PSME4: variants seen among roughly 807,000 people sequenced by gnomAD.
The protein encoded by PSME4 is proteasome activator subunit 4, also known as proteasome activator complex subunit 4.
In PSME4, 89 loss-of-function variants were observed where a neutral mutation model predicts 253.9. The observed-to-expected ratio is 0.35, with a 90% confidence interval of 0.30 to 0.42. The LOEUF (loss-of-function observed/expected upper bound fraction) is 0.42, where lower values mean the gene tolerates loss of function less well. PSME4 is among the 10% of genes least tolerant of loss of function. The pLI is 1.00. For missense variants in PSME4, 2,014 were observed against 2,195.2 expected, an observed-to-expected ratio of 0.92 and a Z score of 1.65; for synonymous variants, 851 against 759.2, an observed-to-expected ratio of 1.12 and a Z score of -1.99.
At chr2:53,940,216 G>A (rs1669328510) in intron 3 of PSME4, among the ~76,000 whole-genome samples, 1 of 151,886 alleles carries the variant, frequency 6.6e-6, no homozygotes, top group Non-Finnish European at 1.5e-5. Context: ...GCTGTCTCTG[G>A]TATGAACTAA....
intron 3 of PSME4, among the ~76,000 whole-genome samples, chr2:53,940,940 AATATATATATACAT>A (rs1383173177): frequency 1.9e-5 from 1 of 51,314 alleles, no homozygotes; most frequent in Non-Finnish European, 3.5e-5. Context: ...TACATATATA[AATATATATATACAT>A]ATATATATAT....
intron 1 of PSME4, among the ~76,000 whole-genome samples, chr2:53,960,460 A>G (rs999044937): frequency 6.6e-6 from 1 of 151,904 alleles, no homozygotes; most frequent in Non-Finnish European, 1.5e-5. Context: ...TTAAGAATGC[A>G]TATTTCGGTG....
chr2:53,887,528 C>T (rs1174931189), intron 39 of PSME4, 61 bp from the exon 40 acceptor site: 24 of 1,434,932 alleles, frequency 1.7e-5, no homozygotes, highest in Non-Finnish European at 4.8e-6. Flanking sequence ...AAATGAGGTT[C>T]AAAAGTTATG....
intron 20 of PSME4, among the ~76,000 whole-genome samples, chr2:53,912,478 G>A (rs1038068492): frequency 3.9e-5 from 6 of 152,064 alleles, no homozygotes; most frequent in Admixed American, 2.0e-4. Context: ...TATTTTTCAA[G>A]ATAGGATCTC....
chr2:53,967,969 T>C lies in PSME4; in HGVS notation c.242+2574A>G, dbSNP rs530910692. Among the ~76,000 whole-genome samples, 33 of 152,048 alleles carry C rather than the reference T, an allele frequency of 2.2e-4. 1 individual carries two copies. Among genetic ancestry groups the C allele is most frequent in the Admixed American group, 1.9e-3 (29 of 15,258 alleles). On this transcript the variant is annotated intron_variant, in intron 1 of 46. Coordinates refer to ENST00000404125, the MANE Select transcript of PSME4 (RefSeq NM_014614.3). Reference sequence around the variant, plus strand: ...AAACTGCAGAATACCAGAGTAGAAATGCTTCTCAAGAATTTAGTCCAGGCC... The same window carrying C: ...AAACTGCAGAATACCAGAGTAGAAACGCTTCTCAAGAATTTAGTCCAGGCC...
intron 44 of PSME4, among the ~76,000 whole-genome samples, chr2:53,867,635 A>G (rs1160863617): frequency 6.8e-6 from 1 of 147,858 alleles, no homozygotes; most frequent in East Asian, 2.0e-4. Flanking sequence ...AAACCACTGC[A>G]CTCCAAGGAG....
At chr2:53,946,178 A>C (rs1669689643) in intron 3 of PSME4, among the ~76,000 whole-genome samples, 1 of 152,248 alleles carries the variant, frequency 6.6e-6, no homozygotes, top group Non-Finnish European at 1.5e-5. Flanking sequence ...CTTTAAAAGC[A>C]GCATGTGCCT....
intron 1 of PSME4, among the ~76,000 whole-genome samples, chr2:53,965,301 T>C (rs890580702): frequency 6.7e-6 from 1 of 149,874 alleles, no homozygotes; most frequent in Non-Finnish European, 1.5e-5. Flanking sequence ...TAGCCTGGAG[T>C]GCAGTGGCGC....
At chr2:53,937,301 T>A in intron 5 of PSME4, 90 bp downstream of exon 5, 1 of 1,234,736 alleles carries the variant, frequency 8.1e-7, no homozygotes. Context: ...ACTTGCAAAA[T>A]GATTTTTCTA....
At chr2:53,962,881 G>C (rs972262173) in intron 1 of PSME4, among the ~76,000 whole-genome samples, 2 of 151,980 alleles carry the variant, frequency 1.3e-5, no homozygotes, top group Non-Finnish European at 2.9e-5. Context: ...CATGGTGGCT[G>C]CACCTGTAGT....
intron 34 of PSME4, 128 bp from the exon 35 acceptor site, chr2:53,893,927 A>C (rs988864533): frequency 1.5e-6 from 2 of 1,353,014 alleles, no homozygotes; most frequent in African/African-American, 3.0e-5. Flanking sequence ...ATGAATTCTT[A>C]GTTCTCATAG....
intron 7 of PSME4, among the ~76,000 whole-genome samples, chr2:53,935,779 T>C (rs967957962): frequency 2.6e-5 from 4 of 152,202 alleles, no homozygotes; most frequent in African/African-American, 4.8e-5. Flanking sequence ...ATTATTTATA[T>C]ATGTTTTTAC....
At chr2:53,879,771 C>T (rs7580916) in intron 41 of PSME4, among the ~76,000 whole-genome samples, 9,777 of 134,290 alleles carry the variant, frequency 0.073, 516 homozygotes, top group East Asian at 0.29. Context: ...TACTGCACTC[C>T]AGCCTGGGTG....
At chr2:53,945,881 T>C (rs900317503) in intron 3 of PSME4, among the ~76,000 whole-genome samples, 2 of 152,178 alleles carry the variant, frequency 1.3e-5, no homozygotes, top group South Asian at 2.1e-4. Context: ...AGGTAGGTTA[T>C]ATGATTTATA....
chr2:53,897,472 C>A (rs1266340100), intron 31 of PSME4, among the ~76,000 whole-genome samples: 2 of 152,108 alleles, frequency 1.3e-5, no homozygotes, highest in Non-Finnish European at 2.9e-5. Context: ...CCCTGCCCAG[C>A]CTCAGGGTAT....
intron 8 of PSME4, among the ~76,000 whole-genome samples, chr2:53,934,352 T>A (rs1037502981): frequency 6.6e-6 from 1 of 152,178 alleles, no homozygotes; most frequent in African/African-American, 2.4e-5. Flanking sequence ...ACAGTAAAAA[T>A]GTTAGACATC....
Position 53,934,710 on chromosome 2 carries a change from C to G in PSME4, c.852G>C (p.Leu284=). Residue 284 remains leucine, a synonymous_variant, in exon 8 of 47, where the codon CTG becomes CTC. Transcript: ENST00000404125. ...TTCCCACTGGGAGGTTCAAGCTTCTCAGAATTCTTGTAAATATCTTTTAAA... is the reference window on the plus strand; with the variant it reads ...TTCCCACTGGGAGGTTCAAGCTTCTGAGAATTCTTGTAAATATCTTTTAAA... The part of the protein sequence containing the change: ...PYVPKIFTRI[L]RSLNLPVGSS... 8.2e-6 allele frequency: 13 copies of G among 1,591,978 alleles called. No individual in the cohort carries two copies. Among genetic ancestry groups the G allele is most frequent in the Non-Finnish European group, 1.1e-5 (13 of 1,161,934 alleles).
At chr2:53,966,427 C>T (rs573022631) in intron 1 of PSME4, among the ~76,000 whole-genome samples, 14 of 152,052 alleles carry the variant, frequency 9.2e-5, no homozygotes, top group Admixed American at 3.3e-4. Context: ...TTTGGGAGGC[C>T]GGGGTGGCCA....
At chr2:53,920,450 T>C (rs1023650654) in intron 18 of PSME4, 100 bp from the exon 19 acceptor site, 2 of 1,214,322 alleles carry the variant, frequency 1.6e-6, no homozygotes, top group Non-Finnish European at 2.2e-6. Flanking sequence ...AAAGAAAATG[T>C]ACACATAATC....
Sources: gnomAD v4.1 joint callset for allele counts (sites outside exome capture counted in the v4.1 genomes callset) on GRCh38, gnomAD v4.1.1 for gene constraint, MANE v1.5 for transcripts, NCBI Gene and HGNC (gene_info 2026-07-23, HGNC 2026-07-21) for gene names.